ABCA5: variants seen among roughly 807,000 people sequenced by gnomAD.
ABCA5 encodes ATP binding cassette subfamily A member 5.
In ABCA5, 163 loss-of-function variants were observed where a neutral mutation model predicts 206.0. That is an observed-to-expected ratio of 0.79 (90% CI 0.70 to 0.90). ABCA5 has a LOEUF of 0.90. Among genes scored for constraint, ABCA5 ranks in the 40% least tolerant of loss-of-function variants. ABCA5 has a pLI of 0.00. For synonymous variants in ABCA5, 609 were observed against 613.8 expected (o/e 0.99, Z 0.11); for missense variants, 1,859 against 1,912.9 (o/e 0.97, Z 0.53).
At chr17:69,278,145 C>T (rs2075354347) in intron 18 of ABCA5, among the ~76,000 whole-genome samples, 1 of 151,988 alleles carries the variant, frequency 6.6e-6, no homozygotes, top group South Asian at 2.1e-4. Context: ...TAGTGTAAAC[C>T]AATGAAAATG....
At chr17:69,249,803 C>T (rs1420905) in intron 37 of ABCA5, 102 bp downstream of exon 37, 140,410 of 1,360,444 alleles carry the variant, frequency 0.1, 12,967 homozygotes, top group Non-Finnish European at 0.11. Context: ...AACATAAGTG[C>T]TTTTCAACTA....
chr17:69,269,190 C>T (rs1484921871), intron 22 of ABCA5, among the ~76,000 whole-genome samples: 2 of 152,020 alleles, frequency 1.3e-5, no homozygotes, highest in Non-Finnish European at 1.5e-5. Context: ...TGGATACAGA[C>T]ATATGTAGTA....
intron 37 of ABCA5, 25 bp downstream of exon 37, chr17:69,249,880 A>C (rs2074991904): frequency 1.3e-6 from 2 of 1,555,878 alleles, no homozygotes; most frequent in Non-Finnish European, 1.7e-6. Context: ...GAATTTTATA[A>C]GCCAAAATAG....
intron 22 of ABCA5, chr17:69,268,910 A>C (rs1223469007): frequency 1.3e-5 from 2 of 152,228 alleles, no homozygotes; most frequent in Admixed American, 1.3e-4. Context: ...ATGACATTGC[A>C]GAATTTGTCT....
chr17:69,293,869 TG>T (rs1567771859), intron 11 of ABCA5, among the ~76,000 whole-genome samples: 3 of 82,018 alleles, frequency 3.7e-5, no homozygotes, highest in Non-Finnish European at 5.5e-5. Flanking sequence ...TGTGTGTGTG[TG>T]TGCGTGTGTG....
intron 26 of ABCA5, 95 bp from the exon 27 acceptor site, chr17:69,260,507 T>C (rs2075135585): frequency 1.2e-6 from 1 of 828,762 alleles, no homozygotes; most frequent in African/African-American, 1.7e-5. Context: ...AACGTGTACT[T>C]TCTATAATAA....
chr17:69,261,056 C>G, intron 26 of ABCA5, 69 bp downstream of exon 26: 1 of 1,350,266 alleles, frequency 7.4e-7, no homozygotes, highest in Non-Finnish European at 1.0e-6. Context: ...TATACAAGAA[C>G]TAACATCCCC....
Position 69,256,137 on chromosome 17 carries a change from A to G in ABCA5, c.3858+20T>C. On this transcript the variant is annotated intron_variant, in intron 29 of 38. Transcript: ENST00000392676. ...GATCATTTCATATTTACTATGACTT[A>G]GCCATAAAGAATAAATTACCTCCTC... The G allele has an allele frequency of 6.5e-7, 1 of 1,549,662 alleles. No individual in the cohort carries two copies. The highest frequency in any genetic ancestry group is 1.3e-5 in the South Asian group (1 of 77,730).
chr17:69,255,674 T>C (rs777071500), intron 30 of ABCA5, 40 bp from the exon 31 acceptor site: 3 of 1,573,446 alleles, frequency 1.9e-6, no homozygotes, highest in South Asian at 2.4e-5. Flanking sequence ...AATCAAATCA[T>C]ACTAAAAGTA....
chr17:69,272,464 G>A (rs2075283256), intron 20 of ABCA5, among the ~76,000 whole-genome samples: 1 of 151,854 alleles, frequency 6.6e-6, no homozygotes, highest in Non-Finnish European at 1.5e-5. Context: ...GCAGATCAAT[G>A]AGAATTAACT....
At chr17:69,266,830 A>C (rs2075214675) in intron 23 of ABCA5, among the ~76,000 whole-genome samples, 1 of 150,212 alleles carries the variant, frequency 6.7e-6, no homozygotes. Flanking sequence ...GTAAACAAAT[A>C]ACAAAATTTT....
At chr17:69,248,484 A>G (rs2074977550) in intron 37 of ABCA5, 167 bp from the exon 38 acceptor site, 1 of 505,918 alleles carries the variant, frequency 2.0e-6, no homozygotes, top group Non-Finnish European at 3.6e-6. Context: ...TCTTCCCCAC[A>G]CCTATAATTC....
intron 1 of ABCA5, among the ~76,000 whole-genome samples, chr17:69,321,052 G>T (rs1163913701): frequency 6.6e-6 from 1 of 152,090 alleles, no homozygotes; most frequent in Non-Finnish European, 1.5e-5. Flanking sequence ...AATCACAAAG[G>T]CCCCTCTCTT....
At chr17:69,250,899 T>C (rs1318474405) in intron 35 of ABCA5, 3 of 195,868 alleles carry the variant, frequency 1.5e-5, no homozygotes, top group African/African-American at 4.7e-5. Flanking sequence ...CAATTTTCTA[T>C]TAGTGTCCTT....
chr17:69,299,465 CACACAT>C (rs1383601118), intron 9 of ABCA5, among the ~76,000 whole-genome samples: 43 of 128,346 alleles, frequency 3.4e-4, no homozygotes, highest in African/African-American at 1.2e-3. Flanking sequence ...TACACACACA[CACACAT>C]ACACACACAC....
intron 11 of ABCA5, 150 bp downstream of exon 11, chr17:69,294,505 G>C (rs1598186679): frequency 1.4e-6 from 1 of 696,258 alleles, no homozygotes; most frequent in Non-Finnish European, 2.3e-6. Context: ...CTGGGTGACA[G>C]AGCGAGACTC....
chr17:69,281,007 A>G (rs2075386013), intron 18 of ABCA5, among the ~76,000 whole-genome samples: 2 of 151,960 alleles, frequency 1.3e-5, no homozygotes, highest in Admixed American at 1.3e-4. Flanking sequence ...CAATGTGCAC[A>G]TGTACTCTAA....
At chr17:69,261,795 TAC>T in intron 24 of ABCA5, 47 bp from the exon 25 acceptor site, 1 of 740,572 alleles carries the variant, frequency 1.4e-6, no homozygotes, top group Non-Finnish European at 2.1e-6. Flanking sequence ...TAGCTTGCAA[TAC>T]ACATGACATG....
chr17:69,287,256 T>C (rs1231600346), intron 15 of ABCA5, among the ~76,000 whole-genome samples: 2 of 152,210 alleles, frequency 1.3e-5, no homozygotes, highest in Admixed American at 6.5e-5. Flanking sequence ...ATCTGTCTAC[T>C]CCACTGGGAG....
Sources: gnomAD v4.1 joint callset for allele counts (sites outside exome capture counted in the v4.1 genomes callset) on GRCh38, gnomAD v4.1.1 for gene constraint, MANE v1.5 for transcripts, NCBI Gene and HGNC (gene_info 2026-07-23, HGNC 2026-07-21) for gene names.